The following GAS2 variants were observed in gnomAD, a reference collection of about 807,000 sequenced individuals.
GAS2 encodes growth arrest-specific protein 2.
In GAS2, 20 loss-of-function variants were observed where a neutral mutation model predicts 37.5. The observed-to-expected ratio is 0.53, with a 90% CI of 0.37 to 0.77. The LOEUF is 0.77. Among genes scored for constraint, GAS2 ranks in the 30% least tolerant of loss-of-function variants. The probability of loss-of-function intolerance (pLI) is 0.00; values close to 1 mark genes in which losing one functional copy is unlikely to be tolerated. For synonymous variants in GAS2, 144 were observed against 132.2 expected, an observed-to-expected ratio of 1.09 and a Z score of -0.61; for missense variants, 336 against 373.4, an observed-to-expected ratio of 0.90 and a Z score of 0.82.
At chr11:22,737,813 G>A (rs1852835978) in intron 5 of GAS2, 45 bp downstream of exon 5, 2 of 1,545,960 alleles carry the variant, frequency 1.3e-6, no homozygotes, top group South Asian at 1.1e-5. Context: ...GACGATTTCA[G>A]CATCCAAGCA....
At chr11:22,638,233 C>G (rs1166270859) in intron 1 of GAS2, among the ~76,000 whole-genome samples, 1 of 152,106 alleles carries the variant, frequency 6.6e-6, no homozygotes, top group Non-Finnish European at 1.5e-5. Context: ...GCAACATGTA[C>G]TCTTGGTCCT....
chr11:22,733,433 G>T (rs1400094172), intron 4 of GAS2, among the ~76,000 whole-genome samples: 1 of 151,634 alleles, frequency 6.6e-6, no homozygotes, highest in Non-Finnish European at 1.5e-5. Context: ...CATTAATGTT[G>T]TAACCTCTAG....
chr11:22,740,886 A>C (rs998403243), intron 5 of GAS2, among the ~76,000 whole-genome samples: 1 of 152,186 alleles, frequency 6.6e-6, no homozygotes, highest in African/African-American at 2.4e-5. Context: ...AGCTCTCAAT[A>C]ATCACAACAG....
At chr11:22,781,750 AT>A (rs1211781779) in intron 7 of GAS2, among the ~76,000 whole-genome samples, 1 of 147,930 alleles carries the variant, frequency 6.8e-6, no homozygotes, top group African/African-American at 2.7e-5. Flanking sequence ...AAAATATTAT[AT>A]TTTTTGGAAT....
intron 2 of GAS2, among the ~76,000 whole-genome samples, chr11:22,678,634 T>A (rs1305754779): frequency 6.6e-6 from 1 of 152,050 alleles, no homozygotes; most frequent in East Asian, 1.9e-4. Context: ...GTCTAAAATG[T>A]AATTTTTTTC....
chr11:22,699,797 G>A (rs1850737087), intron 3 of GAS2, among the ~76,000 whole-genome samples: 2 of 152,136 alleles, frequency 1.3e-5, no homozygotes, highest in African/African-American at 4.8e-5. Context: ...ACATATGGGT[G>A]CTCATTAACA....
chr11:22,700,050 G>A (rs1011007586), intron 3 of GAS2, among the ~76,000 whole-genome samples: 6 of 152,098 alleles, frequency 3.9e-5, no homozygotes, highest in African/African-American at 1.4e-4. Context: ...TGTAGATCTG[G>A]CCTCTTTCTT....
intron 2 of GAS2, among the ~76,000 whole-genome samples, chr11:22,682,675 C>T (rs917374940): frequency 6.6e-6 from 1 of 151,558 alleles, no homozygotes; most frequent in African/African-American, 2.4e-5. Flanking sequence ...GTCAACAGAT[C>T]GAGACCATCC....
intron 5 of GAS2, among the ~76,000 whole-genome samples, chr11:22,742,594 A>C (rs1448052410): frequency 6.6e-6 from 1 of 152,140 alleles, no homozygotes; most frequent in East Asian, 1.9e-4. Flanking sequence ...TCAAAAGCCA[A>C]TATAAGCAGA....
At chr11:22,669,588 G>A (rs549509888) in intron 1 of GAS2, among the ~76,000 whole-genome samples, 48 of 152,286 alleles carry the variant, frequency 3.2e-4, no homozygotes, top group African/African-American at 1.2e-3. Flanking sequence ...GATCACAAGA[G>A]CTGAGTAGGA....
At chr11:22,793,300 A>T (rs552401753) in intron 7 of GAS2, among the ~76,000 whole-genome samples, 1 of 152,164 alleles carries the variant, frequency 6.6e-6, no homozygotes, top group Non-Finnish European at 1.5e-5. Context: ...ATTAAAAATT[A>T]AAAAAATTTT....
upstream of GAS2, among the ~76,000 whole-genome samples, chr11:22,663,728 A>G (rs572468926): frequency 5.3e-4 from 81 of 152,248 alleles, no homozygotes; most frequent in African/African-American, 1.8e-3. Context: ...TTATATATGA[A>G]TGGTGGTGAA....
chr11:22,723,991 C>T (rs1852069057), intron 3 of GAS2, among the ~76,000 whole-genome samples: 1 of 151,784 alleles, frequency 6.6e-6, no homozygotes, highest in African/African-American at 2.4e-5. Flanking sequence ...TTCCTTGATA[C>T]ATCAATCAAT....
At chr11:22,637,415 TAATATTAATTATATTAATA>T (rs1230366679) in intron 1 of GAS2, among the ~76,000 whole-genome samples, 8 of 63,978 alleles carry the variant, frequency 1.3e-4, no homozygotes, top group African/African-American at 8.5e-4. Flanking sequence ...ATACTTAATA[TAATATTAATTATATTAATA>T]GTATACTTAA....
At chr11:22,676,259 T>G (rs10741945) in intron 2 of GAS2, among the ~76,000 whole-genome samples, 94,970 of 151,908 alleles carry the variant, frequency 0.63, 30,890 homozygotes, top group East Asian at 0.83. Context: ...TCATTCAGAG[T>G]GCCTTTTATC....
intron 6 of GAS2, among the ~76,000 whole-genome samples, chr11:22,750,638 T>G (rs191117745): frequency 2.0e-5 from 3 of 152,186 alleles, no homozygotes; most frequent in Admixed American, 1.3e-4. Context: ...ACTTTTTATT[T>G]TGTAAGGAAA....
At chr11:22,634,915 C>G (rs942959252) in intron 1 of GAS2, among the ~76,000 whole-genome samples, 1 of 152,196 alleles carries the variant, frequency 6.6e-6, no homozygotes, top group Non-Finnish European at 1.5e-5. Context: ...TGAATAGACT[C>G]AAGACCTCCT....
intron 3 of GAS2, among the ~76,000 whole-genome samples, chr11:22,706,471 C>T (rs1851126348): frequency 6.6e-6 from 1 of 152,098 alleles, no homozygotes; most frequent in Non-Finnish European, 1.5e-5. Context: ...TCTCCCAATG[C>T]TATCCCTCCC....
chr11:22,682,443 A>G (rs902678318), intron 2 of GAS2, among the ~76,000 whole-genome samples: 2 of 152,202 alleles, frequency 1.3e-5, no homozygotes, highest in African/African-American at 2.4e-5. Context: ...AAATCTTGCA[A>G]ATAATTTGTA....
Sources: gnomAD v4.1 joint callset for allele counts (sites outside exome capture counted in the v4.1 genomes callset) on GRCh38, gnomAD v4.1.1 for gene constraint, MANE v1.5 for transcripts, NCBI Gene and HGNC (gene_info 2026-07-23, HGNC 2026-07-21) for gene names.